The following DNAJC5 variants were observed in gnomAD, a reference collection of about 807,000 sequenced individuals.
DNAJC5 encodes the protein dnaJ homolog subfamily C member 5.
A neutral mutation model predicts 23.2 loss-of-function variants in DNAJC5; 1 was observed. The ratio of observed to expected loss-of-function variants is 0.04; its 90% CI spans 0.02 to 0.20. The LOEUF is 0.20. DNAJC5 is among the 10% of genes least tolerant of loss of function. The pLI is 1.00. For missense variants in DNAJC5, 180 were observed against 267.0 expected (o/e 0.67, Z 2.27); for synonymous variants, 136 against 120.0 (o/e 1.13, Z -0.87).
chr20:63,933,318 G>A lies in DNAJC5; in HGVS notation c.*1750G>A, dbSNP rs969167714. The stretch of plus-strand genomic sequence containing the variant: ...CTGCCAAAAGGGACATGGATATGAG[G>A]ATACATCTGGACGTGCTTAGGAACA... On this transcript the variant is annotated 3_prime_UTR_variant, in exon 5 of 5. Transcript: ENST00000360864. 1 of 152,316 alleles carries A rather than the reference G, an allele frequency of 6.6e-6. No homozygotes were observed. Among genetic ancestry groups the A allele is most frequent in the African/African-American group, 2.4e-5 (1 of 41,430 alleles). 9.4% of individuals were successfully genotyped at this position (152,316 alleles called of 1,614,324 possible). A position where few individuals can be genotyped will look rare whatever the true frequency, so the allele number is the denominator to read the frequency against.
chr20:63,932,006 T>A lies in DNAJC5; in HGVS notation c.*438T>A, dbSNP rs2053677029. 3.1e-6 allele frequency: 1 copy of A among 327,008 alleles called. No homozygotes were observed. The highest frequency in any genetic ancestry group is 6.0e-6 in the Non-Finnish European group (1 of 167,022). The allele number at this position is 327,008 out of a possible 1,614,324, so 20.3% of individuals were successfully genotyped here. On this transcript the variant is annotated 3_prime_UTR_variant, in exon 5 of 5. Coordinates refer to ENST00000360864, the MANE Select transcript of DNAJC5 (RefSeq NM_025219.3). This position sits in a 1 kb window ranked among gnomAD's most constrained non-coding sequence, Gnocchi z 4.4. The stretch of plus-strand genomic sequence containing the variant: ...GGAGGCAGGTGCTGCCTGGCAGAGC[T>A]GTGTTACCGTCTTGGCCTCGGGGTC...
At chr20:63,908,707 G>A (rs1369025095) in intron 1 of DNAJC5, among the ~76,000 whole-genome samples, 10 of 152,218 alleles carry the variant, frequency 6.6e-5, no homozygotes. Context: ...GCTTGAAGTG[G>A]GAGGAGAGCT....
chr20:63,898,576 G>T (rs2053389052), intron 1 of DNAJC5, among the ~76,000 whole-genome samples: 1 of 152,132 alleles, frequency 6.6e-6, no homozygotes, highest in African/African-American at 2.4e-5. Flanking sequence ...GGGCACGGTG[G>T]CTCACACCAG....
At chr20:63,902,674 T>TG (rs1301844377) in intron 1 of DNAJC5, among the ~76,000 whole-genome samples, 3 of 100,830 alleles carry the variant, frequency 3.0e-5, no homozygotes, top group Admixed American at 9.9e-5. Context: ...GGCCTCATCT[T>TG]GTTTTTTTTT....
intron 1 of DNAJC5, among the ~76,000 whole-genome samples, chr20:63,906,790 A>T (rs949419962): frequency 2.0e-5 from 3 of 151,916 alleles, no homozygotes; most frequent in African/African-American, 7.3e-5. Context: ...TGTCTCAAAA[A>T]AAATTAATTA....
In DNAJC5 at chr20:63,931,623, A is replaced by C. The variant is rs1600889041; in HGVS notation, c.*55A>C. 2 of 1,486,572 alleles carry C rather than the reference A, an allele frequency of 1.3e-6. No individual in the cohort carries two copies. 92.1% of individuals were successfully genotyped at this position (1,486,572 alleles called of 1,614,324 possible). On this transcript the variant is annotated 3_prime_UTR_variant, in exon 5 of 5. Coordinates refer to ENST00000360864, the MANE Select transcript of DNAJC5 (RefSeq NM_025219.3). The surrounding 1 kb of genome is among the most constrained non-coding windows in gnomAD (Gnocchi z 9.6). ...GCCGGCGCCTGGCCACGCCAACCTT[A>C]GAATCATGAACTGTAGTCACAGAGA...
chr20:63,907,944 T>TTACTA (rs540734819), intron 1 of DNAJC5, among the ~76,000 whole-genome samples: 1 of 152,114 alleles, frequency 6.6e-6, no homozygotes, highest in Non-Finnish European at 1.5e-5. Flanking sequence ...ATTTTTGTAT[T>TTACTA]TTTAGTAGAG....
chr20:63,918,658 C>T (rs570886208), intron 1 of DNAJC5, among the ~76,000 whole-genome samples: 12 of 152,288 alleles, frequency 7.9e-5, no homozygotes, highest in Admixed American at 1.3e-4. Context: ...TGCAGTGGCG[C>T]GATCTCGGCT....
Position 63,931,420 on chromosome 20 carries a change from C to T in DNAJC5, c.494-45C>T, listed in dbSNP as rs1367557540. Reference sequence around the variant, plus strand: ...CCACAGGACCAGCGTTGGGTGCGCGCCAGGCTGTGGCCCTCGTGCAGTGCC... The same window carrying T: ...CCACAGGACCAGCGTTGGGTGCGCGTCAGGCTGTGGCCCTCGTGCAGTGCC... On this transcript the variant is annotated intron_variant, in intron 4 of 4. Coordinates refer to ENST00000360864, the MANE Select transcript of DNAJC5 (RefSeq NM_025219.3). This position sits in a 1 kb window ranked among gnomAD's most constrained non-coding sequence, Gnocchi z 9.6. 9 of 1,516,830 alleles carry T rather than the reference C, an allele frequency of 5.9e-6. No homozygotes were observed. The Middle Eastern group carries it at 5.7e-4, about 96-fold the overall frequency. 94.0% of individuals were successfully genotyped at this position (1,516,830 alleles called of 1,614,324 possible). A position where few individuals can be genotyped will look rare whatever the true frequency, so the allele number is the denominator to read the frequency against.
chr20:63,909,721 T>G (rs994334279), intron 1 of DNAJC5, among the ~76,000 whole-genome samples: 2 of 152,034 alleles, frequency 1.3e-5, no homozygotes, highest in African/African-American at 4.8e-5. Context: ...CCCGTGAGAG[T>G]AGATTTCTAC....
chr20:63,919,175 G>A (rs1049792922), intron 1 of DNAJC5, among the ~76,000 whole-genome samples: 6 of 152,200 alleles, frequency 3.9e-5, no homozygotes, highest in Non-Finnish European at 5.9e-5. Context: ...GCATGGACCT[G>A]CTAGACTGCA....
At chr20:63,901,438 G>C (rs1439688562) in intron 1 of DNAJC5, among the ~76,000 whole-genome samples, 1 of 152,214 alleles carries the variant, frequency 6.6e-6, no homozygotes, top group Non-Finnish European at 1.5e-5. Context: ...CACCAGGTAG[G>C]GTGGAAATGT....
intron 1 of DNAJC5, among the ~76,000 whole-genome samples, chr20:63,918,895 A>G (rs563510615): frequency 7.2e-5 from 11 of 152,328 alleles, no homozygotes; most frequent in African/African-American, 2.6e-4. Flanking sequence ...CGCCCGGCTG[A>G]TATGTTCCAT....
At position 63,920,569 on chromosome 20, in the gene DNAJC5, C is replaced by T. The variant is rs1257874729; in HGVS notation, c.-11-7766C>T. On this transcript the variant is annotated intron_variant, in intron 1 of 4. Coordinates refer to ENST00000360864, the MANE Select transcript of DNAJC5 (RefSeq NM_025219.3). The surrounding 1 kb of genome is among the most constrained non-coding windows in gnomAD (Gnocchi z 4.6). ...CGTCCCTGCACGTGTGCGGTCTTGT[C>T]TGCCTAGGCATGTGTGCGGGCCCTG... Among the ~76,000 whole-genome samples, 1 of 152,276 alleles carries T rather than the reference C, an allele frequency of 6.6e-6. No homozygotes were observed. The highest frequency in any genetic ancestry group is 1.5e-5 in the Non-Finnish European group (1 of 68,048).
At chr20:63,909,698 GA>G (rs2053470377) in intron 1 of DNAJC5, among the ~76,000 whole-genome samples, 1 of 152,176 alleles carries the variant, frequency 6.6e-6, no homozygotes. Context: ...GAAAAAGAAA[GA>G]AAAAAGTCTT....
intron 1 of DNAJC5, among the ~76,000 whole-genome samples, chr20:63,913,468 C>G (rs2053496564): frequency 6.6e-6 from 1 of 151,886 alleles, no homozygotes; most frequent in Non-Finnish European, 1.5e-5. Flanking sequence ...GCGGTCTCAG[C>G]TCACTGCAGC....
At position 63,934,186 on chromosome 20, in the gene DNAJC5, G is replaced by T. The variant is rs912875629; in HGVS notation, c.*2618G>T. On this transcript the variant is annotated 3_prime_UTR_variant, in exon 5 of 5. Coordinates refer to ENST00000360864, the MANE Select transcript of DNAJC5 (RefSeq NM_025219.3). ...CTTTAAGGCTTTGTCTTAATTTAAG[G>T]AAAAAGATCCTCCCGGGTTTTATTT... 6.6e-6 allele frequency: 1 copy of T among 152,196 alleles called. No individual in the cohort carries two copies. The highest frequency in any genetic ancestry group is 1.5e-5 in the Non-Finnish European group (1 of 68,044). The allele number at this position is 152,196 out of a possible 1,614,324, so 9.4% of individuals were successfully genotyped here.
intron 1 of DNAJC5, among the ~76,000 whole-genome samples, chr20:63,898,192 C>A (rs1281950923): frequency 6.6e-6 from 1 of 152,166 alleles, no homozygotes; most frequent in African/African-American, 2.4e-5. Flanking sequence ...CCTTAGAGCC[C>A]AGATGTGAGG....
Position 63,931,208 on chromosome 20 carries a change from CCGCCGTGA to C in DNAJC5, c.493+188_493+195del. On this transcript the variant is annotated intron_variant, in intron 4 of 4. Coordinates refer to ENST00000360864, the MANE Select transcript of DNAJC5 (RefSeq NM_025219.3). The surrounding 1 kb of genome is among the most constrained non-coding windows in gnomAD (Gnocchi z 9.6). ...GTAAAGCAGGCGCATAGAGCTGTCC[CCGCCGTGA>C]CCTGCGGTAGCCGTAGATCCCAGGG... 1.2e-6 allele frequency: 1 copy of C among 805,290 alleles called. No homozygotes were observed. The highest frequency in any genetic ancestry group is 2.1e-6 in the Non-Finnish European group (1 of 480,150). The allele number at this position is 805,290 out of a possible 1,614,324, so 49.9% of individuals were successfully genotyped here. A position where few individuals can be genotyped will look rare whatever the true frequency, so the allele number is the denominator to read the frequency against.
Sources: allele counts gnomAD v4.1 joint callset (sites outside exome capture counted in the v4.1 genomes callset), GRCh38; gene constraint gnomAD v4.1.1; non-coding constraint Gnocchi (gnomAD v3.1); transcripts MANE v1.5; gene names NCBI Gene and HGNC (gene_info 2026-07-23, HGNC 2026-07-21).